The following CA10 variants were observed in gnomAD, a reference collection of about 807,000 sequenced individuals.
CA10 encodes the protein carbonic anhydrase-related protein 10.
A neutral mutation model predicts 44.2 loss-of-function variants in CA10; 14 were observed. The ratio of observed to expected loss-of-function variants is 0.32; its 90% CI spans 0.21 to 0.50. CA10 has a LOEUF of 0.50. CA10 is among the 20% of genes least tolerant of loss of function. The pLI is 0.99. For synonymous variants in CA10, 159 were observed against 141.6 expected, an observed-to-expected ratio of 1.12 and a Z score of -0.87; for missense variants, 350 against 409.7, an observed-to-expected ratio of 0.85 and a Z score of 1.26.
At chr17:51,654,450 G>T (rs1272272755) in intron 4 of CA10, among the ~76,000 whole-genome samples, 3 of 152,012 alleles carry the variant, frequency 2.0e-5, no homozygotes, top group Non-Finnish European at 4.4e-5. Context: ...CCACATCACT[G>T]GGATCAATTG....
chr17:52,009,252 A>C (rs1253447509), intron 2 of CA10, among the ~76,000 whole-genome samples: 2 of 151,892 alleles, frequency 1.3e-5, no homozygotes, highest in Non-Finnish European at 2.9e-5. Flanking sequence ...ACAGTGATTT[A>C]TGGACATAGA....
chr17:51,722,280 T>C (rs1916372789), intron 4 of CA10, among the ~76,000 whole-genome samples: 1 of 152,100 alleles, frequency 6.6e-6, no homozygotes, highest in Non-Finnish European at 1.5e-5. Flanking sequence ...TAGCACTGTA[T>C]GAATGCTTAT....
intron 4 of CA10, among the ~76,000 whole-genome samples, chr17:51,706,074 G>C (rs1481756080): frequency 2.0e-5 from 3 of 152,220 alleles, no homozygotes; most frequent in African/African-American, 7.2e-5. Context: ...GCACCGAGTA[G>C]CTGCGCAGTG....
rs533675310 is a variant in CA10 at position 52,115,066 on chromosome 17, G to A, written c.61+42660C>T. 2.0e-5 allele frequency among the ~76,000 whole-genome samples: 3 copies of A among 152,266 alleles called. No individual in the cohort carries two copies. In the South Asian group the frequency reaches 6.2e-4, roughly 32 times the overall value. Reference sequence around the variant, plus strand: ...GGGAACCTGCACAGGGTCTTTCCTGGGCATGCCCACATGCACTGAAGGAAT... The same window carrying A: ...GGGAACCTGCACAGGGTCTTTCCTGAGCATGCCCACATGCACTGAAGGAAT... On this transcript the variant is annotated intron_variant, in intron 1 of 8. Coordinates refer to ENST00000451037, the MANE Select transcript of CA10 (RefSeq NM_020178.5).
At chr17:51,729,617 C>A (rs1277879641) in intron 4 of CA10, among the ~76,000 whole-genome samples, 1 of 152,174 alleles carries the variant, frequency 6.6e-6, no homozygotes, top group African/African-American at 2.4e-5. Flanking sequence ...TCCTTTGCTC[C>A]ACGCTTTAGA....
intron 3 of CA10, among the ~76,000 whole-genome samples, chr17:51,793,756 A>C (rs967328666): frequency 1.3e-5 from 2 of 152,218 alleles, no homozygotes; most frequent in African/African-American, 4.8e-5. Context: ...TGTGTCTTTC[A>C]GACAGATGTT....
chr17:51,691,246 A>T (rs1420372627), intron 4 of CA10, among the ~76,000 whole-genome samples: 1 of 152,098 alleles, frequency 6.6e-6, no homozygotes, highest in African/African-American at 2.4e-5. Context: ...AACACTTGTT[A>T]TGTTTCATCT....
In CA10 at chr17:52,022,405, C is replaced by T. The variant is rs547268058; in HGVS notation, c.136+49914G>A. Among the ~76,000 whole-genome samples the T allele has an allele frequency of 9.9e-5, 15 of 152,144 alleles. No homozygotes were observed. In the South Asian group the frequency reaches 1.0e-3, roughly 11 times the overall value. On this transcript the variant is annotated intron_variant, in intron 2 of 8. Transcript: ENST00000451037. Reference sequence around the variant, plus strand: ...AAAGATTTCAGTAAAATCCAACATCCCTTCATGATAAAAACCCTCAACAAA... The same window carrying T: ...AAAGATTTCAGTAAAATCCAACATCTCTTCATGATAAAAACCCTCAACAAA...
intron 2 of CA10, among the ~76,000 whole-genome samples, chr17:51,978,088 C>A (rs1039038066): frequency 1.3e-5 from 2 of 152,118 alleles, no homozygotes; most frequent in South Asian, 2.1e-4. Flanking sequence ...AATAAAAAGT[C>A]TTTTATCTTT....
chr17:51,712,786 C>T (rs147282731), intron 4 of CA10, among the ~76,000 whole-genome samples: 94 of 152,342 alleles, frequency 6.2e-4, no homozygotes, highest in Non-Finnish European at 1.0e-3. Flanking sequence ...GAGGTCTCTA[C>T]GCACAACACT....
intron 2 of CA10, among the ~76,000 whole-genome samples, chr17:52,044,906 A>G (rs1986869557): frequency 6.6e-6 from 1 of 151,954 alleles, no homozygotes; most frequent in Non-Finnish European, 1.5e-5. Context: ...GATGGTAACA[A>G]CTGTGAAGAA....
intron 3 of CA10, among the ~76,000 whole-genome samples, chr17:51,857,640 A>C (rs1979113250): frequency 6.6e-6 from 1 of 152,132 alleles, no homozygotes; most frequent in Non-Finnish European, 1.5e-5. Context: ...TTAGCAAAAA[A>C]CTATTATTGG....
At chr17:51,911,163 G>A (rs1045287590) in intron 3 of CA10, among the ~76,000 whole-genome samples, 2 of 152,136 alleles carry the variant, frequency 1.3e-5, no homozygotes, top group Non-Finnish European at 1.5e-5. Flanking sequence ...CTAGGTAGCT[G>A]CTGCCTCTTC....
At chr17:51,798,655 G>A (rs1329383724) in intron 3 of CA10, among the ~76,000 whole-genome samples, 1 of 152,156 alleles carries the variant, frequency 6.6e-6, no homozygotes, top group Admixed American at 6.5e-5. Flanking sequence ...TTTTTAAATT[G>A]GTTTAAAGTT....
At chr17:51,863,841 T>A (rs182620342) in intron 3 of CA10, among the ~76,000 whole-genome samples, 27 of 152,262 alleles carry the variant, frequency 1.8e-4, no homozygotes, top group Admixed American at 1.2e-3. Flanking sequence ...TCTTAGCACA[T>A]CAATATATGA....
At chr17:51,781,925 A>C (rs1281060653) in intron 3 of CA10, among the ~76,000 whole-genome samples, 3 of 152,222 alleles carry the variant, frequency 2.0e-5, no homozygotes, top group Admixed American at 6.5e-5. Flanking sequence ...GTAGATGAGG[A>C]AACAGGGCTC....
intron 3 of CA10, among the ~76,000 whole-genome samples, chr17:51,835,446 C>T (rs1046396670): frequency 2.0e-5 from 3 of 152,240 alleles, no homozygotes; most frequent in African/African-American, 7.2e-5. Flanking sequence ...ACTTCTTAAA[C>T]ATCCCAGCTA....
At chr17:52,105,836 A>G (rs1348561800) in intron 1 of CA10, among the ~76,000 whole-genome samples, 1 of 152,190 alleles carries the variant, frequency 6.6e-6, no homozygotes, top group Non-Finnish European at 1.5e-5. Context: ...TGGGCTACTT[A>G]ACACCTTTGT....
chr17:51,893,670 C>T (rs140190729), intron 3 of CA10, among the ~76,000 whole-genome samples: 41 of 152,152 alleles, frequency 2.7e-4, no homozygotes, highest in African/African-American at 6.3e-4. Flanking sequence ...TTGAATTGTA[C>T]GAACAATAGA....
Sources: allele counts gnomAD v4.1 joint callset (sites outside exome capture counted in the v4.1 genomes callset), GRCh38; gene constraint gnomAD v4.1.1; transcripts MANE v1.5; gene names NCBI Gene and HGNC (gene_info 2026-07-23, HGNC 2026-07-21).